The following WFDC9 variants were observed in gnomAD, a reference collection of about 807,000 sequenced individuals.
WFDC9 encodes the protein protein WFDC9.
WFDC9 carries 9 observed loss-of-function variants against 9.5 expected under a neutral mutation model. The observed-to-expected ratio is 0.95, with a 90% confidence interval of 0.57 to 1.65. The LOEUF is 1.65. WFDC9 is among the 40% of genes most tolerant of loss of function. The pLI is 0.00. For synonymous variants in WFDC9, 33 were observed against 32.3 expected (o/e 1.02, Z -0.07); for missense variants, 87 against 106.7 (o/e 0.82, Z 0.81).
At chr20:45,622,801 A>T (rs1290543498) in intron 1 of WFDC9, among the ~76,000 whole-genome samples, 1 of 152,158 alleles carries the variant, frequency 6.6e-6, no homozygotes, top group Non-Finnish European at 1.5e-5. Flanking sequence ...ATTCTGTATT[A>T]TTTGCTATCA....
At chr20:45,616,085 T>A (rs1019256074) in intron 1 of WFDC9, among the ~76,000 whole-genome samples, 2 of 152,184 alleles carry the variant, frequency 1.3e-5, no homozygotes, top group African/African-American at 4.8e-5. Flanking sequence ...AATTGATTGA[T>A]CCTTTCAAGA....
chr20:45,625,278 C>G (rs562206555), intron 1 of WFDC9, among the ~76,000 whole-genome samples: 1 of 152,162 alleles, frequency 6.6e-6, no homozygotes, highest in Non-Finnish European at 1.5e-5. Context: ...ACTGCCCTTA[C>G]GATCCAATCA....
Position 45,610,386 on chromosome 20 carries a change from T to C in WFDC9, c.-58-147A>G, listed in dbSNP as rs549914205. ...TAGCCAGTGACTTCCCCAGGTTTCT[T>C]CTCATCTCATATTACATACCCCTTC... is the stretch of plus-strand genomic sequence containing the variant. On this transcript the variant is annotated intron_variant, in intron 2 of 4. Transcript: ENST00000326000. 4 of 463,482 alleles carry C rather than the reference T, an allele frequency of 8.6e-6. No individual in the cohort carries two copies. In the Admixed American group the frequency reaches 1.5e-4, roughly 18 times the overall value. 28.7% of individuals were successfully genotyped at this position (463,482 alleles called of 1,614,324 possible). A position where few individuals can be genotyped will look rare whatever the true frequency, so the allele number is the denominator to read the frequency against.
chr20:45,608,053 CTCT>C lies in WFDC9; in HGVS notation c.*54_*56del. On this transcript the variant is annotated 3_prime_UTR_variant, in exon 5 of 5. Coordinates refer to ENST00000326000, the MANE Select transcript of WFDC9 (RefSeq NM_147198.4). The stretch of plus-strand genomic sequence containing the variant: ...TGTCCCAAGAAGGAAGTAGGCAGCA[CTCT>C]TCTTAGACCAGATGGTCATCCTTCA... 2.3e-5 allele frequency: 37 copies of C among 1,598,278 alleles called. No homozygotes were observed. Among genetic ancestry groups the C allele is most frequent in the Non-Finnish European group, 3.2e-5 (37 of 1,166,770 alleles).
chr20:45,615,160 A>G (rs1981945548), intron 1 of WFDC9, among the ~76,000 whole-genome samples: 1 of 152,204 alleles, frequency 6.6e-6, no homozygotes, highest in Admixed American at 6.5e-5. Flanking sequence ...AGCTAAAAAG[A>G]GACTGAATAG....
intron 1 of WFDC9, among the ~76,000 whole-genome samples, chr20:45,630,098 G>A (rs556124341): frequency 6.6e-6 from 1 of 152,154 alleles, no homozygotes; most frequent in South Asian, 2.1e-4. Flanking sequence ...ATAGTAATGG[G>A]AATGAAGAAG....
At chr20:45,620,528 A>T (rs1039621473) in intron 1 of WFDC9, among the ~76,000 whole-genome samples, 7 of 152,112 alleles carry the variant, frequency 4.6e-5, no homozygotes, top group African/African-American at 1.7e-4. Context: ...GGAGGCAGAG[A>T]TTGCAGTGAG....
chr20:45,627,028 G>T (rs1982234467), intron 1 of WFDC9, among the ~76,000 whole-genome samples: 1 of 152,186 alleles, frequency 6.6e-6, no homozygotes, highest in Non-Finnish European at 1.5e-5. Flanking sequence ...TTATCATAAA[G>T]TGGTGTTGAA....
chr20:45,628,945 C>T (rs1402321663), intron 1 of WFDC9, among the ~76,000 whole-genome samples: 4 of 152,104 alleles, frequency 2.6e-5, no homozygotes, highest in African/African-American at 4.8e-5. Context: ...AGTTCATTTC[C>T]TTCATGATAT....
chr20:45,631,086 G>A (rs555475592), intron 1 of WFDC9, 117 bp downstream of exon 1: 14 of 1,465,274 alleles, frequency 9.6e-6, no homozygotes, highest in African/African-American at 5.8e-5. Flanking sequence ...GCCCACATCC[G>A]AAGCACAAGG....
At chr20:45,627,368 T>G (rs1484534538) in intron 1 of WFDC9, among the ~76,000 whole-genome samples, 2 of 92,064 alleles carry the variant, frequency 2.2e-5, no homozygotes, top group African/African-American at 8.9e-5. Context: ...CCGCATCAAT[T>G]TTTTGGAATA....
chr20:45,613,044 G>A (rs1462171430), intron 2 of WFDC9, among the ~76,000 whole-genome samples: 2 of 152,174 alleles, frequency 1.3e-5, no homozygotes, highest in East Asian at 3.8e-4. Flanking sequence ...ATTTCTTTGT[G>A]CTGTCCAATG....
chr20:45,607,977 G>T lies in WFDC9; in HGVS notation c.*133C>A. ...GCAGTTTATTTGACAAAAGCTTCAGGGTAAAGAGGTCAAGGAAATAGCAGA... is the reference window on the plus strand; with the variant it reads ...GCAGTTTATTTGACAAAAGCTTCAGTGTAAAGAGGTCAAGGAAATAGCAGA... On this transcript the variant is annotated 3_prime_UTR_variant, in exon 5 of 5. Transcript: ENST00000326000. The T allele has an allele frequency of 1.0e-6, 1 of 997,924 alleles. No individual in the cohort carries two copies. Among genetic ancestry groups the T allele is most frequent in the Non-Finnish European group, 1.6e-6 (1 of 642,664 alleles). 61.8% of individuals were successfully genotyped at this position (997,924 alleles called of 1,614,324 possible).
chr20:45,608,288 G>T, intron 4 of WFDC9, 148 bp from the exon 5 acceptor site: 1 of 968,704 alleles, frequency 1.0e-6, no homozygotes, highest in Non-Finnish European at 1.5e-6. Flanking sequence ...CCCCCAAGAA[G>T]TTTGCCAACT....
chr20:45,631,242 T>C lies in WFDC9; in HGVS notation c.-192A>G, dbSNP rs775955655. The C allele has an allele frequency of 5.0e-6, 2 of 397,494 alleles. No homozygotes were observed. The highest frequency in any genetic ancestry group is 2.1e-5 in the African/African-American group (1 of 48,278). The allele number at this position is 397,494 out of a possible 1,614,324, so 24.6% of individuals were successfully genotyped here. On this transcript the variant is annotated 5_prime_UTR_variant, in exon 1 of 5. Transcript: ENST00000326000. ...CTACAGATGATCATTGAGAGCTCACTGTGGCCCCTACAGATGCCCCACTTG... is the reference window on the plus strand; with the variant it reads ...CTACAGATGATCATTGAGAGCTCACCGTGGCCCCTACAGATGCCCCACTTG...
chr20:45,627,217 G>T (rs894575179), intron 1 of WFDC9, among the ~76,000 whole-genome samples: 1 of 152,110 alleles, frequency 6.6e-6, no homozygotes, highest in African/African-American at 2.4e-5. Flanking sequence ...AATTGGGTTT[G>T]TTAGTATTTT....
chr20:45,630,012 G>T (rs1982319051), intron 1 of WFDC9: 1 of 1,444,914 alleles, frequency 6.9e-7, no homozygotes, highest in Non-Finnish European at 9.4e-7. Context: ...TGCATATCCA[G>T]CTCTGACCAC....
At chr20:45,614,907 C>G (rs144231128) in intron 1 of WFDC9, among the ~76,000 whole-genome samples, 186 bp from the exon 2 acceptor site, 2,105 of 152,214 alleles carry the variant, frequency 0.014, 88 homozygotes, top group Admixed American at 0.097. Context: ...CTCTGAAAAG[C>G]TGGGAAGAAC....
intron 1 of WFDC9, among the ~76,000 whole-genome samples, chr20:45,620,576 A>G (rs1266471274): frequency 6.6e-6 from 1 of 152,184 alleles, no homozygotes; most frequent in Non-Finnish European, 1.5e-5. Context: ...TGGGTGATAG[A>G]GTGATACTCT....
Sources: allele counts gnomAD v4.1 joint callset (sites outside exome capture counted in the v4.1 genomes callset), GRCh38; gene constraint gnomAD v4.1.1; transcripts MANE v1.5; gene names NCBI Gene and HGNC (gene_info 2026-07-23, HGNC 2026-07-21).